ABCC3: variants seen among roughly 807,000 people sequenced by gnomAD.
ABCC3 encodes ATP-binding cassette sub-family C member 3.
A neutral mutation model predicts 165.3 loss-of-function variants in ABCC3; 121 were observed. The observed-to-expected ratio is 0.73, with a 90% CI of 0.63 to 0.85. The LOEUF is 0.85. Ranked by LOEUF, ABCC3 falls within the 40% of genes least tolerant of loss-of-function variation. The pLI is 0.00. For missense variants in ABCC3, 1,869 were observed against 1,964.1 expected, an observed-to-expected ratio of 0.95 and a Z score of 0.92; for synonymous variants, 733 against 810.1, an observed-to-expected ratio of 0.90 and a Z score of 1.62.
At position 50,656,530 on chromosome 17, in the gene ABCC3, G is replaced by A. The variant is rs1250018070; in HGVS notation, c.223-172G>A. Among the ~76,000 whole-genome samples, 5 of 152,232 alleles carry A rather than the reference G, an allele frequency of 3.3e-5. No individual in the cohort carries two copies. The East Asian group carries it at 7.7e-4, about 23-fold the overall frequency. Reference sequence around the variant, plus strand: ...ACTTGGGAAAGTTTAAGTAAGTTCAGCAACACTCTCCCCACCTCCAGCAAG... The same window carrying A: ...ACTTGGGAAAGTTTAAGTAAGTTCAACAACACTCTCCCCACCTCCAGCAAG... On this transcript the variant is annotated intron_variant, in intron 2 of 30. Transcript: ENST00000285238.
At chr17:50,662,776 T>G (rs1967421939) in intron 8 of ABCC3, among the ~76,000 whole-genome samples, 2 of 152,102 alleles carry the variant, frequency 1.3e-5, no homozygotes, top group African/African-American at 4.8e-5. Flanking sequence ...GAACATATCT[T>G]TCTGGGAGAC....
intron 1 of ABCC3, among the ~76,000 whole-genome samples, chr17:50,639,708 G>C (rs1219459219): frequency 6.6e-6 from 1 of 152,092 alleles, no homozygotes; most frequent in African/African-American, 2.4e-5. Context: ...GGGGCTGGCA[G>C]GGGGCAGGGT....
At chr17:50,675,557 C>G in intron 20 of ABCC3, 74 bp from the exon 21 acceptor site, 1 of 1,566,196 alleles carries the variant, frequency 6.4e-7, no homozygotes, top group Non-Finnish European at 8.7e-7. Flanking sequence ...GCAGGTTTCT[C>G]CCTGACACTC....
intron 10 of ABCC3, 171 bp downstream of exon 10, chr17:50,664,282 A>G: frequency 1.2e-6 from 1 of 819,926 alleles, no homozygotes. Context: ...GTGCGCCACG[A>G]TTGTGCCTGC....
chr17:50,667,750 C>G lies in ABCC3; in HGVS notation c.1628C>G (p.Pro543Arg), dbSNP rs371269343. 78 of 1,613,998 alleles carry G rather than the reference C, an allele frequency of 4.8e-5. No individual in the cohort carries two copies. Among genetic ancestry groups the G allele is most frequent in the Non-Finnish European group, 6.5e-5 (77 of 1,180,048 alleles). Residue 543 changes from proline to arginine, a missense_variant, in exon 12 of 31, where the codon CCC becomes CGC. Pro to Arg is a moderately radical substitution (Grantham distance 103). Coordinates refer to ENST00000285238, the MANE Select transcript of ABCC3 (RefSeq NM_003786.4). ...ACCACCTTCACCTGGATGTGCAGCC[C>G]CTTCCTGGTGAGGCTTGGCACAGGG... The part of the protein sequence containing the change: ...TTTTFTWMCS[P>R]FLVTLITLWV...
At chr17:50,641,993 G>GA (rs201815011) in intron 1 of ABCC3, among the ~76,000 whole-genome samples, 9,873 of 149,472 alleles carry the variant, frequency 0.066, 327 homozygotes, top group African/African-American at 0.089. Flanking sequence ...ATTACAGTGG[G>GA]GAAAAAAAAA....
At chr17:50,660,772 A>C in intron 7 of ABCC3, 151 bp from the exon 8 acceptor site, 120 of 511,178 alleles carry the variant, frequency 2.3e-4, no homozygotes, top group Non-Finnish European at 2.6e-4. Context: ...TCGCTTGTGC[A>C]ATTCTTATGC....
At chr17:50,682,415 TAATC>T (rs1218123270) in intron 26 of ABCC3, among the ~76,000 whole-genome samples, 1 of 151,346 alleles carries the variant, frequency 6.6e-6, no homozygotes, top group African/African-American at 2.4e-5. Context: ...CTTTGCATCT[TAATC>T]AGAGTTAAAA....
At chr17:50,654,396 C>A (rs1241710812) in intron 1 of ABCC3, among the ~76,000 whole-genome samples, 1 of 152,186 alleles carries the variant, frequency 6.6e-6, no homozygotes, top group East Asian at 1.9e-4. Context: ...ATTCCCCCAT[C>A]CCTTTCCAAA....
chr17:50,675,257 T>A, intron 19 of ABCC3, 105 bp from the exon 20 acceptor site: 1 of 692,766 alleles, frequency 1.4e-6, no homozygotes, highest in East Asian at 2.7e-5. Context: ...TTTATTTTCA[T>A]GCTTGTCCAT....
At position 50,687,663 on chromosome 17, in the gene ABCC3, A is replaced by G. The variant is rs140690263; in HGVS notation, c.4408A>G (p.Thr1470Ala). The G allele has an allele frequency of 4.5e-4, 724 of 1,614,136 alleles. No homozygotes were observed. Among genetic ancestry groups the G allele is most frequent in the Non-Finnish European group, 5.2e-4 (609 of 1,180,034 alleles). The stretch of plus-strand genomic sequence containing the variant: ...CAACCTCATCCAGGCTACCATCCGC[A>G]CCCAGTTTGATACCTGCACTGTCCT... ...TDNLIQATIRTQFDTCTVLTI... is the reference protein window; with the variant it reads ...TDNLIQATIRAQFDTCTVLTI... Residue 1470 changes from threonine (T) to alanine (A), a missense_variant, in exon 30 of 31, where the codon ACC becomes GCC. Physicochemically the swap from Thr to Ala is moderately conservative, Grantham distance 58. Transcript: ENST00000285238.
chr17:50,643,771 C>T (rs1248253397), intron 1 of ABCC3: 1 of 377,716 alleles, frequency 2.6e-6, no homozygotes, highest in Non-Finnish European at 5.4e-6. Context: ...GCAAGAATCT[C>T]AGAGCAGATT....
At chr17:50,635,690 T>G in intron 1 of ABCC3, 1 of 674,990 alleles carries the variant, frequency 1.5e-6, no homozygotes, top group Non-Finnish European at 2.7e-6. Context: ...TTGCCCAAAG[T>G]TACCCAGTTC....
At position 50,676,074 on chromosome 17, in the gene ABCC3, T is replaced by C. The variant is rs11568587; in HGVS notation, c.3051T>C (p.Ala1017=). ...CCCTGAGGCTGGGCGTCTATGCTGC[T>C]TTAGGAATTCTGCAAGGTGAGCTTG... ...NTSLRLGVYA[A]LGILQGFLVM... is the part of the protein sequence containing the mutation. The change falls in exon 22 of 31, where the codon GCT becomes GCC. Residue 1017 remains alanine, a synonymous_variant. Transcript: ENST00000285238. The C allele has an allele frequency of 2.5e-6, 4 of 1,614,162 alleles. No homozygotes were observed. The Admixed American group carries it at 6.7e-5, about 27-fold the overall frequency.
At chr17:50,684,144 G>A (rs775210301) in intron 28 of ABCC3, 37 bp downstream of exon 28, 23 of 1,601,356 alleles carry the variant, frequency 1.4e-5, no homozygotes, top group East Asian at 4.5e-5. Context: ...ACTCACCAAC[G>A]GCCCTGGAGG....
In ABCC3 at chr17:50,673,660, T is replaced by G; in HGVS notation, c.2599+2T>G. The G allele has an allele frequency of 6.2e-7, 1 of 1,613,982 alleles. No homozygotes were observed. Among genetic ancestry groups the G allele is most frequent in the Non-Finnish European group, 8.5e-7 (1 of 1,179,922 alleles). On this transcript the variant is annotated splice_donor_variant, in intron 19 of 30. Transcript: ENST00000285238. LOFTEE classifies it high-confidence loss of function. ...GGCACCTGGAGGACAGCTGGACCGG[T>G]ATCTGCCATCCTGGGCCCTCTGATT...
At chr17:50,683,056 A>C (rs1236230334) in intron 26 of ABCC3, among the ~76,000 whole-genome samples, 1 of 152,084 alleles carries the variant, frequency 6.6e-6, no homozygotes, top group Non-Finnish European at 1.5e-5. Flanking sequence ...TTTTCTTTAA[A>C]AAATTAGCCA....
At chr17:50,659,574 A>G (rs944079579) in intron 7 of ABCC3, among the ~76,000 whole-genome samples, 6 of 152,202 alleles carry the variant, frequency 3.9e-5, no homozygotes, top group Non-Finnish European at 5.9e-5. Context: ...GGGCAGGAGA[A>G]TGGCTGGCAC....
chr17:50,643,444 T>G (rs1390236768), intron 1 of ABCC3: 6 of 437,710 alleles, frequency 1.4e-5, no homozygotes, highest in Non-Finnish European at 2.8e-5. Context: ...TGGTACAACT[T>G]CTGCCCACCT....
Sources: allele counts gnomAD v4.1 joint callset (sites outside exome capture counted in the v4.1 genomes callset), GRCh38; gene constraint gnomAD v4.1.1; transcripts MANE v1.5; gene names NCBI Gene and HGNC (gene_info 2026-07-23, HGNC 2026-07-21).